TMEM178B: variants seen among roughly 807,000 people sequenced by gnomAD.
TMEM178B encodes the protein transmembrane protein 178B.
TMEM178B carries 5 observed loss-of-function variants against 31.0 expected under a neutral mutation model. The ratio of observed to expected loss-of-function variants is 0.16; its 90% CI spans 0.08 to 0.34. The LOEUF (loss-of-function observed/expected upper bound fraction) is 0.34, where lower values mean the gene tolerates loss of function less well. TMEM178B is among the 10% of genes least tolerant of loss of function. The pLI is 1.00. For synonymous variants in TMEM178B, 164 were observed against 164.0 expected, an observed-to-expected ratio of 1.00 and a Z score of 0.00; for missense variants, 275 against 400.3, an observed-to-expected ratio of 0.69 and a Z score of 2.67.
At chr7:141,356,519 C>T (rs974127717) in intron 2 of TMEM178B, among the ~76,000 whole-genome samples, 3 of 151,490 alleles carry the variant, frequency 2.0e-5, no homozygotes, top group African/African-American at 7.3e-5. Flanking sequence ...TATGTGTAGT[C>T]TTCTGAGAAA....
At chr7:141,385,092 C>G (rs989425045) in intron 2 of TMEM178B, among the ~76,000 whole-genome samples, 4 of 152,180 alleles carry the variant, frequency 2.6e-5, no homozygotes, top group African/African-American at 9.7e-5. Flanking sequence ...TCCAACTAAC[C>G]ATCAAAACTT....
intron 1 of TMEM178B, among the ~76,000 whole-genome samples, chr7:141,181,126 C>A (rs1219976306): frequency 6.6e-6 from 1 of 152,180 alleles, no homozygotes; most frequent in East Asian, 1.9e-4. Flanking sequence ...CTCTGGGGAA[C>A]TTACCTTTCA....
intron 2 of TMEM178B, among the ~76,000 whole-genome samples, chr7:141,433,788 C>T (rs1310728971): frequency 6.6e-6 from 1 of 152,218 alleles, no homozygotes; most frequent in Admixed American, 6.5e-5. Context: ...TGCAGCTTCC[C>T]TGAGTTACCA....
At chr7:141,147,343 C>T (rs1795869908) in intron 1 of TMEM178B, among the ~76,000 whole-genome samples, 1 of 151,676 alleles carries the variant, frequency 6.6e-6, no homozygotes, top group Non-Finnish European at 1.5e-5. Context: ...GGTGGTGAGG[C>T]TGGGTGGTAG....
intron 1 of TMEM178B, among the ~76,000 whole-genome samples, chr7:141,175,635 C>T (rs945290748): frequency 6.6e-6 from 1 of 152,116 alleles, no homozygotes; most frequent in East Asian, 1.9e-4. Context: ...TCTGTTATTT[C>T]GTTGAGCATT....
intron 1 of TMEM178B, among the ~76,000 whole-genome samples, chr7:141,145,951 G>A (rs1795843791): frequency 6.6e-6 from 1 of 152,212 alleles, no homozygotes; most frequent in South Asian, 2.1e-4. Context: ...AAAGCATTAG[G>A]TTCAGGGAGC....
intron 2 of TMEM178B, among the ~76,000 whole-genome samples, chr7:141,289,432 G>A (rs550039906): frequency 1.3e-5 from 2 of 152,256 alleles, no homozygotes; most frequent in South Asian, 4.1e-4. Context: ...AAAGGAGAAT[G>A]CGGCTGGGTG....
In TMEM178B at chr7:141,160,245, C is replaced by G. The variant is rs148473777; in HGVS notation, c.383-52346C>G. Reference sequence around the variant, plus strand: ...CCTGAGTCCTCAAAGGCCACTGTATCCTTCTTATGTGAGGTGATGAATTTC... The same window carrying G: ...CCTGAGTCCTCAAAGGCCACTGTATGCTTCTTATGTGAGGTGATGAATTTC... On this transcript the variant is annotated intron_variant, in intron 1 of 3. Coordinates refer to ENST00000565468, the MANE Select transcript of TMEM178B (RefSeq NM_001195278.2). Among the ~76,000 whole-genome samples the G allele has an allele frequency of 3.2e-3, 492 of 152,096 alleles. 3 individuals carry two copies. The highest frequency in any genetic ancestry group is 0.011 in the African/African-American group (464 of 41,502).
intron 2 of TMEM178B, among the ~76,000 whole-genome samples, chr7:141,240,350 A>G (rs2129193253): frequency 6.6e-6 from 1 of 152,374 alleles, no homozygotes; most frequent in South Asian, 2.1e-4. Flanking sequence ...GTGCAGTACA[A>G]AGAAGACTAT....
rs1800924911 is a variant in TMEM178B, at chr7:141,408,470, A to G, written c.497-29138A>G. On this transcript the variant is annotated intron_variant, in intron 2 of 3. Transcript: ENST00000565468. ...CAGCAGGTCTGGAGTGGGCCTAAGA[A>G]TTTTCATTTCTACCAGTTTCCCAGA... Among the ~76,000 whole-genome samples the G allele has an allele frequency of 2.0e-5, 3 of 152,172 alleles. No homozygotes were observed. The South Asian group carries it at 6.2e-4, about 32-fold the overall frequency.
At chr7:141,188,643 A>C (rs1378452313) in intron 1 of TMEM178B, among the ~76,000 whole-genome samples, 1 of 152,184 alleles carries the variant, frequency 6.6e-6, no homozygotes, top group African/African-American at 2.4e-5. Context: ...TGTTATGAGG[A>C]GATAAAACAG....
At chr7:141,418,526 T>G (rs552363950) in intron 2 of TMEM178B, among the ~76,000 whole-genome samples, 2 of 152,308 alleles carry the variant, frequency 1.3e-5, no homozygotes, top group East Asian at 1.9e-4. Context: ...CCCAGTAACA[T>G]TAGCCATCAG....
intron 2 of TMEM178B, among the ~76,000 whole-genome samples, chr7:141,420,109 G>A (rs890312801): frequency 6.6e-6 from 1 of 152,002 alleles, no homozygotes; most frequent in Non-Finnish European, 1.5e-5. Context: ...ACCTCCATAT[G>A]TTAAATAGCA....
chr7:141,289,817 A>G (rs1798516158), intron 2 of TMEM178B, among the ~76,000 whole-genome samples: 2 of 152,040 alleles, frequency 1.3e-5, no homozygotes, highest in Non-Finnish European at 2.9e-5. Context: ...GCCTGACCCC[A>G]GAGAACTCAG....
chr7:141,163,284 T>C (rs907781686), intron 1 of TMEM178B, among the ~76,000 whole-genome samples: 3 of 152,228 alleles, frequency 2.0e-5, no homozygotes, highest in Non-Finnish European at 2.9e-5. Flanking sequence ...TATGGAAATA[T>C]GTAGGCCTTC....
In TMEM178B at chr7:141,212,634, AG is replaced by A; in HGVS notation, c.427del (p.Ala143GlnfsTer28). 6.5e-7 allele frequency: 1 copy of A among 1,536,152 alleles called. No homozygotes were observed. Among genetic ancestry groups the A allele is most frequent in the Non-Finnish European group, 8.7e-7 (1 of 1,146,906 alleles). ...CGTACATCAAATACCACTACTCCTCAGCAACCATCCCCAGGAACCTCACTTT... is the reference window on the plus strand; with the variant it reads ...CGTACATCAAATACCACTACTCCTCACAACCATCCCCAGGAACCTCACTTT... ...CTYIKYHYSSATIPRNLTFNI... is the reference protein window; with the variant it reads ...CTYIKYHYSSXTIPRNLTFNI... On this transcript the variant is annotated frameshift_variant, in exon 2 of 4. Coordinates refer to ENST00000565468, the MANE Select transcript of TMEM178B (RefSeq NM_001195278.2). LOFTEE classifies it high-confidence loss of function.
chr7:141,174,218 T>C (rs1796390901), intron 1 of TMEM178B, among the ~76,000 whole-genome samples: 1 of 151,992 alleles, frequency 6.6e-6, no homozygotes, highest in Non-Finnish European at 1.5e-5. Flanking sequence ...TGGTGTTTGG[T>C]TTACTGTTCT....
intron 1 of TMEM178B, among the ~76,000 whole-genome samples, chr7:141,181,204 A>G (rs1416523581): frequency 1.3e-5 from 2 of 152,396 alleles, no homozygotes; most frequent in Admixed American, 1.3e-4. Context: ...GTGTGTCATT[A>G]CAATGATGTG....
In TMEM178B at chr7:141,325,914, AT is replaced by A. The variant is rs1586893201; in HGVS notation, c.497-111688del. Among the ~76,000 whole-genome samples, 4 of 152,162 alleles carry A rather than the reference AT, an allele frequency of 2.6e-5. No individual in the cohort carries two copies. In the East Asian group the frequency reaches 7.7e-4, roughly 29 times the overall value. ...GGTTTAGTCCTGGGAATAACTGAGT[AT>A]TTTTTCACCTTTTTAGATCACAGAC... On this transcript the variant is annotated intron_variant, in intron 2 of 3. Coordinates refer to ENST00000565468, the MANE Select transcript of TMEM178B (RefSeq NM_001195278.2).
Sources: allele counts gnomAD v4.1 joint callset (sites outside exome capture counted in the v4.1 genomes callset), GRCh38; gene constraint gnomAD v4.1.1; transcripts MANE v1.5; gene names NCBI Gene and HGNC (gene_info 2026-07-23, HGNC 2026-07-21).